OTUD7B: variants seen among roughly 807,000 people sequenced by gnomAD.
OTUD7B encodes OTU domain-containing protein 7B.
OTUD7B carries 34 observed loss-of-function variants against 82.2 expected under a neutral mutation model. That is an observed-to-expected ratio of 0.41 (90% CI 0.31 to 0.55). The LOEUF (loss-of-function observed/expected upper bound fraction) is 0.55, where lower values mean the gene tolerates loss of function less well. Ranked by LOEUF, OTUD7B falls within the 20% of genes least tolerant of loss-of-function variation. The probability of loss-of-function intolerance (pLI) is 0.20; values close to 1 mark genes in which losing one functional copy is unlikely to be tolerated. For missense variants in OTUD7B, 944 were observed against 1,062.1 expected, an observed-to-expected ratio of 0.89 and a Z score of 1.55; for synonymous variants, 398 against 402.7, an observed-to-expected ratio of 0.99 and a Z score of 0.14.
At chr1:150,052,342 C>CA in the OTUD7B span, among the ~76,000 whole-genome samples, 3 of 152,216 alleles carry the variant, frequency 2.0e-5, no homozygotes, top group South Asian at 6.2e-4. Context: ...AATAAATGTA[C>CA]AAAAAACACT....
chr1:150,064,403 G>C, the OTUD7B span, among the ~76,000 whole-genome samples: 1 of 151,542 alleles, frequency 6.6e-6, no homozygotes, highest in Non-Finnish European at 1.5e-5. Context: ...TTCTGGCAGA[G>C]TCTCACTCTG....
intron 1 of OTUD7B, among the ~76,000 whole-genome samples, chr1:149,982,437 G>C (rs1321001772): frequency 2.0e-5 from 3 of 151,932 alleles, no homozygotes; most frequent in Non-Finnish European, 4.4e-5. Context: ...ATTTATCAAA[G>C]ACTTAAACAC....
At chr1:150,034,940 T>G in the OTUD7B span, among the ~76,000 whole-genome samples, 1 of 151,928 alleles carries the variant, frequency 6.6e-6, no homozygotes, top group African/African-American at 2.4e-5. Context: ...ATCAGGAGTT[T>G]GAGACCACCC....
At chr1:150,044,046 A>T in the OTUD7B span, among the ~76,000 whole-genome samples, 2 of 152,072 alleles carry the variant, frequency 1.3e-5, no homozygotes, top group Non-Finnish European at 2.9e-5. Flanking sequence ...TGAACCCAGG[A>T]GGTCAAAGCT....
intron 1 of OTUD7B, among the ~76,000 whole-genome samples, chr1:150,001,535 A>G (rs747483337): frequency 1.6e-4 from 24 of 152,210 alleles, no homozygotes; most frequent in Non-Finnish European, 2.8e-4. Context: ...ACCTTCCCAC[A>G]TAATTTAAAT....
chr1:150,050,486 C>A, the OTUD7B span: 5 of 152,152 alleles, frequency 3.3e-5, no homozygotes, highest in African/African-American at 1.2e-4. Flanking sequence ...TCTCACCTTT[C>A]AAACTTTAGA....
rs782297708 is a variant in OTUD7B, at chr1:149,943,990, G to A, written c.2399C>T (p.Thr800Ile). The part of the protein sequence containing the change: ...GGLRGLPPTQ[T>I]KCKQPNCSFY... ...GCTGCAGTTCGGTTGTTTGCATTTGGTCTGAGTTGGGGGAAGGCCCCGGAG... is the reference window on the plus strand; with the variant it reads ...GCTGCAGTTCGGTTGTTTGCATTTGATCTGAGTTGGGGGAAGGCCCCGGAG... Residue 800 changes from threonine to isoleucine, a missense_variant, in exon 12 of 12, where the codon ACC becomes ATC. Physicochemically the swap from Thr to Ile is moderately conservative, Grantham distance 89 (BLOSUM62 -1). This residue lies in a region of OTUD7B where 412 missense variants were observed against 418.7 expected (regional missense o/e 0.98). Coordinates refer to ENST00000581312, the MANE Select transcript of OTUD7B (RefSeq NM_020205.4). 2 of 1,614,220 alleles carry A rather than the reference G, an allele frequency of 1.2e-6. No homozygotes were observed. Among genetic ancestry groups the A allele is most frequent in the East Asian group, 2.2e-5 (1 of 44,882 alleles).
chr1:149,944,111 G>A lies in OTUD7B; in HGVS notation c.2278C>T (p.His760Tyr), dbSNP rs782804760. 5 of 1,613,980 alleles carry A rather than the reference G, an allele frequency of 3.1e-6. No homozygotes were observed. In the South Asian group the frequency reaches 5.5e-5, roughly 18 times the overall value. ...EPGSHSKDGL[H>Y]RGALLPPPYR... is the part of the protein sequence containing the mutation. ...GGGGGTGGTAACAAGGCACCCCTGT[G>A]AAGTCCATCCTTAGAGTGGCTGCCT... The change falls in exon 12 of 12, where the codon CAC (histidine) becomes TAC (tyrosine). Residue 760 changes from histidine to tyrosine, a missense_variant. This residue lies in a region of OTUD7B where 412 missense variants were observed against 418.7 expected (regional missense o/e 0.98). Coordinates refer to ENST00000581312, the MANE Select transcript of OTUD7B (RefSeq NM_020205.4).
At chr1:150,053,845 C>A in the OTUD7B span, 1 of 280,754 alleles carries the variant, frequency 3.6e-6, no homozygotes, top group East Asian at 6.4e-5. Flanking sequence ...AAAAAGTCAG[C>A]TCTTTTCCAT....
At chr1:150,031,184 A>G in the OTUD7B span, among the ~76,000 whole-genome samples, 1 of 152,242 alleles carries the variant, frequency 6.6e-6, no homozygotes, top group African/African-American at 2.4e-5. Context: ...TTAAAGAAAA[A>G]TTTAAGTAAC....
chr1:149,983,146 C>A (rs1411813446), intron 1 of OTUD7B, among the ~76,000 whole-genome samples: 1 of 152,152 alleles, frequency 6.6e-6, no homozygotes, highest in Non-Finnish European at 1.5e-5. Flanking sequence ...TGAGCCACTG[C>A]GCCCGGCCTC....
At chr1:150,005,973 G>GTCTA (rs1364756196) in intron 1 of OTUD7B, among the ~76,000 whole-genome samples, 1 of 152,122 alleles carries the variant, frequency 6.6e-6, no homozygotes, top group Non-Finnish European at 1.5e-5. Flanking sequence ...ATTCAGTGTA[G>GTCTA]TCTAGTCTTA....
chr1:150,014,224 T>A (rs186203740), upstream of OTUD7B, among the ~76,000 whole-genome samples: 2 of 52,476 alleles, frequency 3.8e-5, no homozygotes, highest in Non-Finnish European at 6.9e-5. Context: ...TATAAGGAGA[T>A]CCCATTTCTA....
At chr1:149,958,322 C>CTTTT (rs34299927) in intron 7 of OTUD7B, among the ~76,000 whole-genome samples, 13,106 of 86,358 alleles carry the variant, frequency 0.15, 2,907 homozygotes, top group South Asian at 0.2. Flanking sequence ...AAAGGACTAC[C>CTTTT]TTTTTTTTTT....
chr1:150,052,501 T>C, the OTUD7B span, among the ~76,000 whole-genome samples: 2 of 152,038 alleles, frequency 1.3e-5, no homozygotes, highest in African/African-American at 4.8e-5. Flanking sequence ...CAAAATACTG[T>C]GCAAAGAAAT....
intron 7 of OTUD7B, among the ~76,000 whole-genome samples, chr1:149,950,792 T>TTTC (rs1648141028): frequency 1.1e-4 from 1 of 9,492 alleles, no homozygotes; most frequent in South Asian, 8.6e-3. Flanking sequence ...GTTTTTTGTT[T>TTTC]TTTTTTCTTT....
At chr1:150,037,546 C>A in the OTUD7B span, among the ~76,000 whole-genome samples, 1 of 152,046 alleles carries the variant, frequency 6.6e-6, no homozygotes, top group Non-Finnish European at 1.5e-5. Flanking sequence ...CTGGTATAAT[C>A]TGGACAGTAT....
At chr1:150,041,823 T>C in the OTUD7B span, among the ~76,000 whole-genome samples, 1 of 152,168 alleles carries the variant, frequency 6.6e-6, no homozygotes, top group Non-Finnish European at 1.5e-5. Context: ...CCCCCAACTT[T>C]TAAAAGAGTT....
At chr1:150,035,137 T>C in the OTUD7B span, among the ~76,000 whole-genome samples, 1 of 43,102 alleles carries the variant, frequency 2.3e-5, no homozygotes, top group African/African-American at 1.1e-4. Context: ...AGAGCGAAAC[T>C]TCATCTCAAA....
Sources: gnomAD v4.1 joint callset for allele counts (sites outside exome capture counted in the v4.1 genomes callset) on GRCh38, gnomAD v4.1.1 for gene constraint, gnomAD v4.1.1 regional missense constraint, MANE v1.5 for transcripts, NCBI Gene and HGNC (gene_info 2026-07-23, HGNC 2026-07-21) for gene names.